DNAH11: variants seen among roughly 807,000 people sequenced by gnomAD.
DNAH11 encodes the protein axonemal beta dynein heavy chain 11.
DNAH11 carries 442 observed loss-of-function variants against 526.0 expected under a neutral mutation model. The ratio of observed to expected loss-of-function variants is 0.84; its 90% CI spans 0.78 to 0.91. DNAH11 has a LOEUF of 0.91. Among genes scored for constraint, DNAH11 ranks in the 40% least tolerant of loss-of-function variants. The probability of loss-of-function intolerance (pLI) is 0.00; values close to 1 mark genes in which losing one functional copy is unlikely to be tolerated. For missense variants in DNAH11, 6,989 were observed against 5,448.7 expected (o/e 1.28, Z -8.90); for synonymous variants, 2,461 against 1,935.9 (o/e 1.27, Z -7.12).
chr7:21,689,832 G>C (rs1470269311), intron 34 of DNAH11, among the ~76,000 whole-genome samples: 1 of 152,156 alleles, frequency 6.6e-6, no homozygotes, highest in Middle Eastern at 3.2e-3. Context: ...AGCAATGCAA[G>C]AGATCAGCCT....
intron 22 of DNAH11, among the ~76,000 whole-genome samples, chr7:21,616,627 A>G (rs540193893): frequency 3.3e-5 from 5 of 152,298 alleles, no homozygotes; most frequent in African/African-American, 9.6e-5. Flanking sequence ...CTTAGCAACC[A>G]TAAACATTTT....
chr7:21,704,180 T>C (rs1052506047), intron 37 of DNAH11, among the ~76,000 whole-genome samples: 1 of 152,218 alleles, frequency 6.6e-6, no homozygotes, highest in East Asian at 1.9e-4. Flanking sequence ...AAACAGATCA[T>C]TGGCAGGGAA....
intron 76 of DNAH11, among the ~76,000 whole-genome samples, chr7:21,886,643 G>A (rs1474879423): frequency 6.6e-6 from 1 of 152,228 alleles, no homozygotes; most frequent in Non-Finnish European, 1.5e-5. Context: ...GATGGTGGAG[G>A]GCAAGGGGCC....
Position 21,697,877 on chromosome 7 carries a change from C to T in DNAH11, c.6042-198C>T, listed in dbSNP as rs1281323900. Among the ~76,000 whole-genome samples the T allele has an allele frequency of 5.3e-5, 8 of 152,122 alleles. No individual in the cohort carries two copies. The South Asian group carries it at 1.4e-3, about 28-fold the overall frequency. ...CTGTGCTTCTGCCATTCCAGACTTT[C>T]TATCATTTTTTGTGTCCAGTAATGA... On this transcript the variant is annotated intron_variant, in intron 35 of 81. Coordinates refer to ENST00000409508, the MANE Select transcript of DNAH11 (RefSeq NM_001277115.2).
chr7:21,772,248 A>G (rs1465082248), intron 55 of DNAH11, among the ~76,000 whole-genome samples: 1 of 152,124 alleles, frequency 6.6e-6, no homozygotes, highest in Non-Finnish European at 1.5e-5. Flanking sequence ...TCCCCGATTT[A>G]CAAATGAAAC....
chr7:21,654,562 C>T (rs1421031816), intron 28 of DNAH11, among the ~76,000 whole-genome samples: 7 of 152,298 alleles, frequency 4.6e-5, no homozygotes, highest in Non-Finnish European at 5.9e-5. Flanking sequence ...GTACAAATAC[C>T]TGTTTGAGTT....
intron 18 of DNAH11, among the ~76,000 whole-genome samples, chr7:21,602,350 A>C (rs544306978): frequency 8.5e-5 from 13 of 152,112 alleles, no homozygotes; most frequent in Admixed American, 4.6e-4. Flanking sequence ...AATAATAATA[A>C]TACTAATAAT....
intron 54 of DNAH11, among the ~76,000 whole-genome samples, chr7:21,763,117 G>A (rs1368127837): frequency 6.6e-6 from 1 of 152,082 alleles, no homozygotes; most frequent in African/African-American, 2.4e-5. Context: ...GCTGAGGCAG[G>A]TGGATCACGA....
intron 18 of DNAH11, among the ~76,000 whole-genome samples, chr7:21,603,173 T>G (rs562572486): frequency 6.6e-6 from 1 of 152,364 alleles, no homozygotes; most frequent in African/African-American, 2.4e-5. Flanking sequence ...CCTATTTTGT[T>G]AGGCTTCTTT....
rs1314789428 is a variant in DNAH11, at chr7:21,756,858, C to T, written c.8940+6494C>T. Among the ~76,000 whole-genome samples the T allele has an allele frequency of 2.6e-5, 4 of 152,290 alleles. No homozygotes were observed. The South Asian group carries it at 6.2e-4, about 24-fold the overall frequency. ...TTAGCATCTTTATAATAATTGACCTCTTCCGGGAATGTGGCACGTGTCTTC... is the reference window on the plus strand; with the variant it reads ...TTAGCATCTTTATAATAATTGACCTTTTCCGGGAATGTGGCACGTGTCTTC... On this transcript the variant is annotated intron_variant, in intron 54 of 81. Coordinates refer to ENST00000409508, the MANE Select transcript of DNAH11 (RefSeq NM_001277115.2).
At chr7:21,851,818 A>T (rs1249924710) in intron 66 of DNAH11, among the ~76,000 whole-genome samples, 1 of 152,120 alleles carries the variant, frequency 6.6e-6, no homozygotes. Flanking sequence ...AGAATTGTTG[A>T]TGAGTTTTTT....
intron 65 of DNAH11, among the ~76,000 whole-genome samples, chr7:21,825,702 A>G (rs1361997377): frequency 6.6e-6 from 1 of 152,056 alleles, no homozygotes; most frequent in East Asian, 1.9e-4. Flanking sequence ...AATGCTTAAA[A>G]AGTGCTTTGA....
chr7:21,773,410 A>G (rs1279548347), intron 55 of DNAH11, among the ~76,000 whole-genome samples: 2 of 151,858 alleles, frequency 1.3e-5, no homozygotes, highest in Admixed American at 6.6e-5. Context: ...TTTGAAAGCA[A>G]TGGCAGAAAT....
chr7:21,704,144 G>C (rs1444170940), intron 37 of DNAH11, among the ~76,000 whole-genome samples: 1 of 152,194 alleles, frequency 6.6e-6, no homozygotes, highest in African/African-American at 2.4e-5. Flanking sequence ...CAAGAGAGAA[G>C]GCCCTTAGAT....
At chr7:21,627,004 C>T (rs1303553677) in intron 25 of DNAH11, among the ~76,000 whole-genome samples, 1 of 151,968 alleles carries the variant, frequency 6.6e-6, no homozygotes, top group African/African-American at 2.4e-5. Flanking sequence ...TGTGCCTCTG[C>T]CCCTAAAGTG....
In DNAH11 at chr7:21,900,050, CA is replaced by C; in HGVS notation, c.13240del (p.Thr4414GlnfsTer72). The part of the protein sequence containing the change: ...DKTRLTADVT[K>X]KTKEDYGHPP... The stretch of plus-strand genomic sequence containing the variant: ...AAACGCGCTTGACTGCTGATGTTAC[CA>C]AAAAAACAAAGGAAGATTATGGACA... On this transcript the variant is annotated frameshift_variant, in exon 81 of 82. Transcript: ENST00000409508. LOFTEE classifies it high-confidence loss of function. 6.2e-7 allele frequency: 1 copy of C among 1,613,608 alleles called. No homozygotes were observed. The highest frequency in any genetic ancestry group is 8.5e-7 in the Non-Finnish European group (1 of 1,179,760).
intron 36 of DNAH11, among the ~76,000 whole-genome samples, chr7:21,701,754 G>T (rs1048060364): frequency 7.2e-5 from 11 of 152,286 alleles, no homozygotes; most frequent in African/African-American, 2.4e-4. Flanking sequence ...CAAAAAATTT[G>T]TACTCATATT....
chr7:21,812,917 C>A (rs1789598059), intron 63 of DNAH11, among the ~76,000 whole-genome samples: 1 of 152,052 alleles, frequency 6.6e-6, no homozygotes. Flanking sequence ...GGCCATTACC[C>A]TTGGGGGAGA....
chr7:21,644,873 T>A (rs1562724339), intron 28 of DNAH11, among the ~76,000 whole-genome samples: 1 of 152,220 alleles, frequency 6.6e-6, no homozygotes, highest in Non-Finnish European at 1.5e-5. Flanking sequence ...GAATCTACTT[T>A]CAGAATAAAT....
Sources: allele counts gnomAD v4.1 joint callset (sites outside exome capture counted in the v4.1 genomes callset), GRCh38; gene constraint gnomAD v4.1.1; transcripts MANE v1.5; gene names NCBI Gene and HGNC (gene_info 2026-07-23, HGNC 2026-07-21).